The following PTPRS variants were observed in gnomAD, a reference collection of about 807,000 sequenced individuals.
PTPRS encodes receptor-type tyrosine-protein phosphatase S.
A neutral mutation model predicts 215.3 loss-of-function variants in PTPRS; 63 were observed. The observed-to-expected ratio is 0.29, with a 90% CI of 0.24 to 0.36. The LOEUF (loss-of-function observed/expected upper bound fraction) is 0.36, where lower values mean the gene tolerates loss of function less well. Among genes scored for constraint, PTPRS ranks in the 10% least tolerant of loss-of-function variants. The pLI is 1.00. For missense variants in PTPRS, 2,258 were observed against 2,825.8 expected (o/e 0.80, Z 4.56); for synonymous variants, 1,404 against 1,191.4 (o/e 1.18, Z -3.68).
At chr19:5,221,979 C>T in intron 19 of PTPRS, 144 bp downstream of exon 19, 3 of 666,308 alleles carry the variant, frequency 4.5e-6, no homozygotes, top group South Asian at 1.8e-5. Context: ...CCAGTATTGA[C>T]TAAGCCTCAA....
At chr19:5,315,355 T>TG in intron 1 of PTPRS, among the ~76,000 whole-genome samples, 1 of 79,642 alleles carries the variant, frequency 1.3e-5, no homozygotes. Flanking sequence ...AAAAGGGTTT[T>TG]TTTTTTTTTT....
intron 13 of PTPRS, among the ~76,000 whole-genome samples, chr19:5,234,001 C>T (rs1174540549): frequency 1.5e-5 from 2 of 135,878 alleles, no homozygotes; most frequent in African/African-American, 5.4e-5. Context: ...CACTATGTGC[C>T]AGGCAACAGC....
chr19:5,299,976 C>A (rs2049253270), intron 1 of PTPRS, among the ~76,000 whole-genome samples: 1 of 152,042 alleles, frequency 6.6e-6, no homozygotes, highest in African/African-American at 2.4e-5. Flanking sequence ...TGCCATGGCT[C>A]CCACCTGTAA....
intron 2 of PTPRS, among the ~76,000 whole-genome samples, chr19:5,281,438 G>C (rs1321233965): frequency 1.3e-5 from 2 of 152,118 alleles, no homozygotes; most frequent in East Asian, 3.9e-4. Flanking sequence ...TCCAGCCTGG[G>C]GGACAGGGCA....
At chr19:5,207,647 C>A (rs1377023225) in intron 37 of PTPRS, among the ~76,000 whole-genome samples, 5 of 152,194 alleles carry the variant, frequency 3.3e-5, no homozygotes, top group Non-Finnish European at 7.3e-5. Flanking sequence ...TTGGCAGGGT[C>A]CAGGCTGAGC....
chr19:5,236,881 G>T (rs999005076), intron 13 of PTPRS, among the ~76,000 whole-genome samples: 4 of 148,186 alleles, frequency 2.7e-5, no homozygotes, highest in Non-Finnish European at 5.9e-5. Context: ...ATCAAGGAAT[G>T]TGTCGGAAGG....
At chr19:5,219,265 G>C in intron 23 of PTPRS, 45 bp downstream of exon 23, 1 of 1,606,228 alleles carries the variant, frequency 6.2e-7, no homozygotes, top group East Asian at 2.2e-5. Context: ...TTTCCAGGAA[G>C]CCCTCCCTGC....
chr19:5,262,656 C>T (rs2146331917), intron 6 of PTPRS, among the ~76,000 whole-genome samples: 1 of 152,362 alleles, frequency 6.6e-6, no homozygotes, highest in African/African-American at 2.4e-5. Flanking sequence ...GAGGATGCCT[C>T]TGAACCCCCC....
chr19:5,265,239 C>T (rs1408363514), intron 4 of PTPRS, 43 bp from the exon 5 acceptor site: 3 of 1,557,940 alleles, frequency 1.9e-6, no homozygotes, highest in East Asian at 4.5e-5. Context: ...GTTCTGAGCA[C>T]TGCACAGCCA....
rs577316566 is a variant in PTPRS, at chr19:5,299,824, C to A, written c.-94-13590G>T. Among the ~76,000 whole-genome samples the A allele has an allele frequency of 6.6e-5, 10 of 152,080 alleles. No individual in the cohort carries two copies. In the South Asian group the frequency reaches 2.1e-3, roughly 32 times the overall value. ...GGCGGAGGTTGCAGTGAGCTGAGAT[C>A]GCGCCATTGCACTCCAGCCTGGGCA... On this transcript the variant is annotated intron_variant, in intron 1 of 37. Transcript: ENST00000262963.
Position 5,214,403 on chromosome 19 carries a change from G to C in PTPRS, c.4572C>G (p.Ile1524Met). ...GFIQVTLLDT[I>M]ELATFCVRTF... ...TCCTGACGCAGAATGTGGCCAGCTC[G>C]ATGGTATCTAGCAACGTGACCTGGA... is the stretch of plus-strand genomic sequence containing the variant. Residue 1524 changes from isoleucine (I) to methionine (M), a missense_variant, in exon 30 of 38, where the codon ATC (isoleucine) becomes ATG (methionine). By Grantham distance (10) the Ile-to-Met change is conservative (BLOSUM62 1). Around this residue, in one of 6 missense-constraint regions of PTPRS, gnomAD observed 927 missense variants for 1,125.9 expected, o/e 0.82. Transcript: ENST00000262963. 8 of 1,614,152 alleles carry C rather than the reference G, an allele frequency of 5.0e-6. No individual in the cohort carries two copies. Among genetic ancestry groups the C allele is most frequent in the Non-Finnish European group, 5.9e-6 (7 of 1,180,030 alleles).
chr19:5,223,729 A>T (rs1241641722), intron 17 of PTPRS, among the ~76,000 whole-genome samples: 2 of 150,562 alleles, frequency 1.3e-5, no homozygotes, highest in African/African-American at 4.9e-5. Flanking sequence ...CGCCTGGGTA[A>T]TTTTGTATTT....
chr19:5,209,541 C>T (rs931182910), intron 35 of PTPRS, among the ~76,000 whole-genome samples: 3 of 152,202 alleles, frequency 2.0e-5, no homozygotes, highest in African/African-American at 7.2e-5. Context: ...CCATCTTCCT[C>T]AATCTTGTAC....
chr19:5,208,427 A>G, intron 35 of PTPRS, 36 bp from the exon 36 acceptor site: 1 of 1,498,238 alleles, frequency 6.7e-7, no homozygotes, highest in Non-Finnish European at 9.0e-7. Context: ...TTATCAGGTC[A>G]GCAGCGGCCA....
chr19:5,244,596 T>G lies in PTPRS; in HGVS notation c.989-114A>C. ...CTCTGAGCCTTGATTTGCCCAGCAGTAATCATGGGCCTCATGACTCCTGTC... is the reference window on the plus strand; with the variant it reads ...CTCTGAGCCTTGATTTGCCCAGCAGGAATCATGGGCCTCATGACTCCTGTC... On this transcript the variant is annotated intron_variant, in intron 10 of 37. Coordinates refer to ENST00000262963, the MANE Select transcript of PTPRS (RefSeq NM_002850.4). This position sits in a 1 kb window ranked among gnomAD's most constrained non-coding sequence, Gnocchi z 7.2. The G allele has an allele frequency of 1.2e-6, 1 of 820,904 alleles. No homozygotes were observed. The highest frequency in any genetic ancestry group is 2.6e-5 in the Admixed American group (1 of 38,076). 50.9% of individuals were successfully genotyped at this position (820,904 alleles called of 1,614,324 possible).
At chr19:5,223,879 A>G (rs1026363943) in intron 17 of PTPRS, among the ~76,000 whole-genome samples, 8 of 151,614 alleles carry the variant, frequency 5.3e-5, no homozygotes, top group Non-Finnish European at 7.4e-5. Context: ...GTGATTTTTA[A>G]AAGTGGATCT....
intron 1 of PTPRS, among the ~76,000 whole-genome samples, chr19:5,323,392 TG>T (rs2050083622): frequency 3.3e-5 from 5 of 151,812 alleles, no homozygotes. Flanking sequence ...AACAGAGAAA[TG>T]GTGGCAAGGG....
At chr19:5,239,366 CACAGAG>C (rs1054093521) in intron 12 of PTPRS, among the ~76,000 whole-genome samples, 31 of 144,120 alleles carry the variant, frequency 2.2e-4, no homozygotes, top group Admixed American at 1.7e-3. Flanking sequence ...GACAGAGGGA[CACAGAG>C]ACAGAGATAG....
At chr19:5,219,000 G>C in intron 23 of PTPRS, 1 of 652,546 alleles carries the variant, frequency 1.5e-6, no homozygotes, top group Non-Finnish European at 2.6e-6. Context: ...CTCAGCCCTG[G>C]GATGTGCCCC....
Sources: gnomAD v4.1 joint callset for allele counts (sites outside exome capture counted in the v4.1 genomes callset) on GRCh38, gnomAD v4.1.1 for gene constraint, gnomAD v4.1.1 regional missense constraint, Gnocchi (gnomAD v3.1) non-coding constraint, MANE v1.5 for transcripts, NCBI Gene and HGNC (gene_info 2026-07-23, HGNC 2026-07-21) for gene names.